The following CNTN5 variants were observed in gnomAD, a reference collection of about 807,000 sequenced individuals.
The protein encoded by CNTN5 is contactin 5.
CNTN5 carries 77 observed loss-of-function variants against 129.1 expected under a neutral mutation model. That is an observed-to-expected ratio of 0.60 (90% confidence interval 0.50 to 0.72). The LOEUF is 0.72. Among genes scored for constraint, CNTN5 ranks in the 30% least tolerant of loss-of-function variants. CNTN5 has a pLI of 0.00. For synonymous variants in CNTN5, 509 were observed against 465.6 expected (o/e 1.09, Z -1.20); for missense variants, 1,478 against 1,328.8 (o/e 1.11, Z -1.75).
intron 3 of CNTN5, among the ~76,000 whole-genome samples, chr11:99,656,004 A>G (rs1324569877): frequency 1.3e-5 from 2 of 152,000 alleles, no homozygotes; most frequent in African/African-American, 4.8e-5. Flanking sequence ...GTGTTTCTGT[A>G]TTGTAGCACC....
At chr11:99,717,467 A>T (rs2135001727) in intron 3 of CNTN5, among the ~76,000 whole-genome samples, 1 of 152,234 alleles carries the variant, frequency 6.6e-6, no homozygotes, top group Admixed American at 6.6e-5. Flanking sequence ...ATATAAAAAA[A>T]GATAAAAAAT....
chr11:99,189,555 T>C (rs979909026), intron 1 of CNTN5, among the ~76,000 whole-genome samples: 6 of 151,672 alleles, frequency 4.0e-5, no homozygotes, highest in African/African-American at 1.4e-4. Context: ...TTATTATCTT[T>C]CTTCTTTTTA....
At chr11:99,513,923 G>T (rs1342134684) in intron 2 of CNTN5, among the ~76,000 whole-genome samples, 3 of 151,978 alleles carry the variant, frequency 2.0e-5, no homozygotes, top group Non-Finnish European at 4.4e-5. Context: ...AATACATTTT[G>T]TAAAGCTATT....
chr11:99,201,323 CCCTTCCTTCCTT>C (rs749149194), intron 1 of CNTN5, among the ~76,000 whole-genome samples: 3 of 71,636 alleles, frequency 4.2e-5, no homozygotes, highest in Non-Finnish European at 8.1e-5. Flanking sequence ...TGCGCCTGGC[CCCTTCCTTCCTT>C]CCTTCCTTCC....
At chr11:99,283,799 T>C (rs2135896907) in intron 1 of CNTN5, among the ~76,000 whole-genome samples, 1 of 152,248 alleles carries the variant, frequency 6.6e-6, no homozygotes, top group Admixed American at 6.5e-5. Context: ...TAGATTCAAC[T>C]GTATTGGAAT....
intron 2 of CNTN5, among the ~76,000 whole-genome samples, chr11:99,488,587 G>A (rs977593763): frequency 3.3e-5 from 5 of 152,002 alleles, no homozygotes; most frequent in African/African-American, 1.2e-4. Flanking sequence ...AATTCTAAGG[G>A]CCAAGAGAAA....
chr11:99,207,616 A>G (rs936099110), intron 1 of CNTN5, among the ~76,000 whole-genome samples: 18 of 152,180 alleles, frequency 1.2e-4, no homozygotes, highest in African/African-American at 4.3e-4. Context: ...GATTTTGCCA[A>G]TAATACATTG....
chr11:99,895,053 A>G (rs904941874), intron 6 of CNTN5, among the ~76,000 whole-genome samples: 1 of 152,236 alleles, frequency 6.6e-6, no homozygotes, highest in Non-Finnish European at 1.5e-5. Flanking sequence ...GGCACATCGC[A>G]TTTGAATTAT....
chr11:99,768,455 T>A (rs1270464723), intron 3 of CNTN5, among the ~76,000 whole-genome samples: 2 of 152,114 alleles, frequency 1.3e-5, no homozygotes, highest in African/African-American at 2.4e-5. Context: ...TATTCAGATG[T>A]CTTCAGTTGC....
At chr11:100,040,781 C>G (rs564196796) in intron 9 of CNTN5, among the ~76,000 whole-genome samples, 1 of 152,186 alleles carries the variant, frequency 6.6e-6, no homozygotes, top group Non-Finnish European at 1.5e-5. Context: ...TAGCCAAGTG[C>G]GGGATATAAT....
At chr11:99,745,581 T>C (rs1289645157) in intron 3 of CNTN5, among the ~76,000 whole-genome samples, 1 of 152,188 alleles carries the variant, frequency 6.6e-6, no homozygotes, top group Non-Finnish European at 1.5e-5. Flanking sequence ...GTTAAAAGGA[T>C]TTTATTTAGG....
At chr11:99,223,649 A>G (rs1424716861) in intron 1 of CNTN5, among the ~76,000 whole-genome samples, 1 of 152,172 alleles carries the variant, frequency 6.6e-6, no homozygotes, top group East Asian at 1.9e-4. Flanking sequence ...TCTGTCTTAT[A>G]CTTGAGAGGC....
chr11:100,103,197 G>A (rs1945288171), intron 13 of CNTN5, among the ~76,000 whole-genome samples: 1 of 152,184 alleles, frequency 6.6e-6, no homozygotes, highest in African/African-American at 2.4e-5. Context: ...AGTAAGCAAA[G>A]AGCAATTAGC....
At chr11:99,271,969 G>A (rs1863193328) in intron 1 of CNTN5, among the ~76,000 whole-genome samples, 1 of 151,898 alleles carries the variant, frequency 6.6e-6, no homozygotes, top group Non-Finnish European at 1.5e-5. Flanking sequence ...AAATGTAGGG[G>A]AATTAGTCTC....
At chr11:100,000,055 C>T (rs183347912) in intron 8 of CNTN5, among the ~76,000 whole-genome samples, 8,443 of 151,298 alleles carry the variant, frequency 0.056, 271 homozygotes, top group Non-Finnish European at 0.076. Flanking sequence ...ATACCTAATG[C>T]TAAATGATGA....
At chr11:99,513,313 A>G (rs183254260) in intron 2 of CNTN5, among the ~76,000 whole-genome samples, 1 of 152,272 alleles carries the variant, frequency 6.6e-6, no homozygotes, top group African/African-American at 2.4e-5. Context: ...TTTTTCCATA[A>G]CAAAGTGCAC....
chr11:99,075,359 C>G (rs7942488), intron 1 of CNTN5, among the ~76,000 whole-genome samples: 30,648 of 152,046 alleles, frequency 0.2, 3,598 homozygotes, highest in South Asian at 0.28. Context: ...GGGATTGGCT[C>G]AAGATCCATA....
At chr11:99,841,824 G>T (rs997449071) in intron 4 of CNTN5, among the ~76,000 whole-genome samples, 35 of 138,444 alleles carry the variant, frequency 2.5e-4, no homozygotes, top group African/African-American at 9.1e-4. Context: ...ATATATGTGT[G>T]TATATATATA....
chr11:100,337,678 T>C, intron 21 of CNTN5: 2 of 609,996 alleles, frequency 3.3e-6, no homozygotes, highest in Admixed American at 3.7e-5. Context: ...AGCTTCACAA[T>C]CTGTTTTCTC....
Sources: allele counts gnomAD v4.1 joint callset (sites outside exome capture counted in the v4.1 genomes callset), GRCh38; gene constraint gnomAD v4.1.1; transcripts MANE v1.5; gene names NCBI Gene and HGNC (gene_info 2026-07-23, HGNC 2026-07-21).